Variants in PTGS2 observed in about 807,000 individuals in gnomAD.
PTGS2 encodes the protein prostaglandin-endoperoxide synthase 2.
Under a neutral mutation model 63.8 loss-of-function variants are expected in PTGS2, and 14 were observed. The ratio of observed to expected loss-of-function variants is 0.22; its 90% CI spans 0.14 to 0.34. The LOEUF (loss-of-function observed/expected upper bound fraction) is 0.34, where lower values mean the gene tolerates loss of function less well. Ranked by LOEUF, PTGS2 falls within the 10% of genes least tolerant of loss-of-function variation. PTGS2 has a pLI of 1.00. For missense variants in PTGS2, 533 were observed against 738.5 expected, an observed-to-expected ratio of 0.72 and a Z score of 3.23; for synonymous variants, 271 against 259.5, an observed-to-expected ratio of 1.04 and a Z score of -0.43.
Position 186,680,027 on chromosome 1 carries a change from A to G in PTGS2, c.52+212T>C, listed in dbSNP as rs145315045. Among the ~76,000 whole-genome samples, 228 of 152,362 alleles carry G rather than the reference A, an allele frequency of 1.5e-3. 1 individual carries two copies. The highest frequency in any genetic ancestry group is 5.1e-3 in the African/African-American group (212 of 41,598). On this transcript the variant is annotated intron_variant, in intron 1 of 9. Coordinates refer to ENST00000367468, the MANE Select transcript of PTGS2 (RefSeq NM_000963.4). Reference sequence around the variant, plus strand: ...AGGTGAGAGTGTCTCAGATCGGTTAAGTAACTGGCTCATAATGATCAGTGC... The same window carrying G: ...AGGTGAGAGTGTCTCAGATCGGTTAGGTAACTGGCTCATAATGATCAGTGC...
intron 3 of PTGS2, 109 bp downstream of exon 3, chr1:186,678,949 A>G (rs1665827715): frequency 7.4e-7 from 1 of 1,342,724 alleles, no homozygotes; most frequent in African/African-American, 1.5e-5. Context: ...AGCTATCTTA[A>G]AGTCTTTTTG....
rs1665747672 is a variant in PTGS2 at position 186,674,648 on chromosome 1, G to A, written c.1520C>T (p.Thr507Ile). The A allele has an allele frequency of 6.2e-7, 1 of 1,614,072 alleles. No homozygotes were observed. Among genetic ancestry groups the A allele is most frequent in the South Asian group, 1.1e-5 (1 of 91,090 alleles). Residue 507 changes from threonine to isoleucine, a missense_variant, in exon 10 of 10, where the codon ACC becomes ATC. This residue lies in a region of PTGS2 where 219 missense variants were observed against 267.4 expected (regional missense o/e 0.82). Coordinates refer to ENST00000367468, the MANE Select transcript of PTGS2 (RefSeq NM_000963.4). ...GAATGGTGCTCCAACTTCTACCATG[G>A]TTTCACCAAAGATGGCATCTGGCCG... ...KPRPDAIFGE[T>I]MVEVGAPFSL... is the part of the protein sequence containing the mutation.
In PTGS2 at chr1:186,677,774, T is replaced by C. The variant is rs199513587; in HGVS notation, c.514A>G (p.Lys172Glu). 5 of 1,613,586 alleles carry C rather than the reference T, an allele frequency of 3.1e-6. No homozygotes were observed. Among genetic ancestry groups the C allele is most frequent in the South Asian group, 1.1e-5 (1 of 90,996 alleles). Residue 172 changes from lysine to glutamate, a missense_variant, in exon 5 of 10, where the codon AAG becomes GAG. Around this residue, in one of 5 missense-constraint regions of PTGS2, gnomAD observed 118 missense variants for 138.7 expected, o/e 0.85. Transcript: ENST00000367468. ...GAGCCCTGGGGATCAGGGATGAACT[T>C]TCTTCTTAGAAGCAATTTTTCCACA... ...EIVEKLLLRRKFIPDPQGSNM... is the reference protein window; with the variant it reads ...EIVEKLLLRREFIPDPQGSNM...
At chr1:186,679,484 C>G in intron 1 of PTGS2, 46 bp from the exon 2 acceptor site, 3 of 1,360,950 alleles carry the variant, frequency 2.2e-6, no homozygotes, top group Non-Finnish European at 3.1e-6. Flanking sequence ...GTGTCTTAAT[C>G]TTAATTTAAA....
chr1:186,679,397 A>G lies in PTGS2; in HGVS notation c.94T>C (p.Cys32Arg). Reference sequence around the variant, plus strand: ...TACTGGTCAAATCCCACACTCATACATACACCTCGGTTTTGACATGGGTGG... The same window carrying G: ...TACTGGTCAAATCCCACACTCATACGTACACCTCGGTTTTGACATGGGTGG... Reference protein sequence around the residue: ...CSHPCQNRGVCMSVGFDQYKC... With the variant: ...CSHPCQNRGVRMSVGFDQYKC... Residue 32 changes from cysteine (C) to arginine (R), a missense_variant, in exon 2 of 10, where the codon TGT (cysteine) becomes CGT (arginine). By Grantham distance (180) the Cys-to-Arg change is radical (BLOSUM62 -3). Around this residue, in one of 5 missense-constraint regions of PTGS2, gnomAD observed 118 missense variants for 144.6 expected, o/e 0.82. Transcript: ENST00000367468. The G allele has an allele frequency of 1.2e-6, 2 of 1,614,174 alleles. No individual in the cohort carries two copies. Among genetic ancestry groups the G allele is most frequent in the South Asian group, 1.1e-5 (1 of 91,084 alleles).
At chr1:186,675,531 T>C in intron 8 of PTGS2, 135 bp from the exon 9 acceptor site, 2 of 1,012,698 alleles carry the variant, frequency 2.0e-6, no homozygotes, top group Non-Finnish European at 2.8e-6. Flanking sequence ...GAAAGATGCT[T>C]ACCTACATTT....
In PTGS2 at chr1:186,680,415, A is replaced by G. The variant is rs5271; in HGVS notation, c.-125T>C. On this transcript the variant is annotated 5_prime_UTR_variant, in exon 1 of 10. Transcript: ENST00000367468. ...GCTCCTGACGCTCACTGCAAGTCGT[A>G]TGACAATTGGTCGCTAACCGAGAGA... The G allele has an allele frequency of 7.8e-6, 5 of 639,078 alleles. No homozygotes were observed. The highest frequency in any genetic ancestry group is 2.0e-5 in the South Asian group (1 of 50,004). The allele number at this position is 639,078 out of a possible 1,614,324, so 39.6% of individuals were successfully genotyped here.
In PTGS2 at chr1:186,680,353, G is replaced by A. The variant is rs11567819; in HGVS notation, c.-63C>T. 6.8e-4 allele frequency: 878 copies of A among 1,296,006 alleles called. 9 individuals carry two copies. In the African/African-American group the frequency reaches 0.011, roughly 17 times the overall value. The allele number at this position is 1,296,006 out of a possible 1,614,324, so 80.3% of individuals were successfully genotyped here. On this transcript the variant is annotated 5_prime_UTR_variant, in exon 1 of 10. Coordinates refer to ENST00000367468, the MANE Select transcript of PTGS2 (RefSeq NM_000963.4). Reference sequence around the variant, plus strand: ...TGCTGTCTGAGGGCGTCTGGCTGTGGAGCTGAAGGAGGCGCTGCTGAGGAG... The same window carrying A: ...TGCTGTCTGAGGGCGTCTGGCTGTGAAGCTGAAGGAGGCGCTGCTGAGGAG...
At chr1:186,677,479 A>G (rs1408680919) in intron 5 of PTGS2, among the ~76,000 whole-genome samples, 170 bp downstream of exon 5, 1 of 152,164 alleles carries the variant, frequency 6.6e-6, no homozygotes, top group East Asian at 1.9e-4. Context: ...ATTTTACTAG[A>G]CCAGTGAAGT....
rs3218623 is a variant in PTGS2, at chr1:186,676,150, C to T, written c.1005G>A (p.Val335=). 2.8e-4 allele frequency: 456 copies of T among 1,613,266 alleles called. 4 individuals carry two copies. The East Asian group carries it at 9.9e-3, about 35-fold the overall frequency. ...ETIKIVIEDY[V]QHLSGYHFKL... ...TGAAGTGATAGCCACTCAAGTGTTG[C>T]ACATAATCTTCAATCACAATCTTAA... Residue 335 remains valine (V), a synonymous_variant, in exon 8 of 10, where the codon GTG becomes GTA. Coordinates refer to ENST00000367468, the MANE Select transcript of PTGS2 (RefSeq NM_000963.4).
rs1571811749 is a variant in PTGS2, at chr1:186,678,356, C to T, written c.362G>A (p.Gly121Asp). ...AGAGAAGGCTTCCCAGCTTTTGTAG[C>T]CATAGTCAGCATTGTAAGTTGGTGG... is the stretch of plus-strand genomic sequence containing the variant. ...DSPPTYNADY[G>D]YKSWEAFSNL... Residue 121 changes from glycine (G) to aspartate (D), a missense_variant, in exon 4 of 10, where the codon GGC (glycine) becomes GAC (aspartate). Physicochemically the swap from Gly to Asp is moderately conservative, Grantham distance 94. This residue lies in a region of PTGS2 where 11 missense variants were observed against 35.2 expected (regional missense o/e 0.31). Coordinates refer to ENST00000367468, the MANE Select transcript of PTGS2 (RefSeq NM_000963.4). The T allele has an allele frequency of 6.2e-7, 1 of 1,613,268 alleles. No individual in the cohort carries two copies. Among genetic ancestry groups the T allele is most frequent in the Non-Finnish European group, 8.5e-7 (1 of 1,179,554 alleles).
In PTGS2 at chr1:186,673,982, T is replaced by G; in HGVS notation, c.*371A>C. 6.5e-6 allele frequency: 1 copy of G among 153,370 alleles called. No individual in the cohort carries two copies. The allele number at this position is 153,370 out of a possible 1,614,324, so 9.5% of individuals were successfully genotyped here. ...GTTACTTCTAATGCATCATGGAAGA[T>G]GCATTGGAAACATCGACAGTGTAAA... On this transcript the variant is annotated 3_prime_UTR_variant, in exon 10 of 10. Coordinates refer to ENST00000367468, the MANE Select transcript of PTGS2 (RefSeq NM_000963.4).
chr1:186,677,583 T>C (rs1275919966), intron 5 of PTGS2, 66 bp downstream of exon 5: 3 of 1,426,768 alleles, frequency 2.1e-6, no homozygotes, highest in South Asian at 2.9e-5. Flanking sequence ...ATATCTCCTT[T>C]AATGTTAGCC....
Position 186,677,660 on chromosome 1 carries a change from G to C in PTGS2, c.628C>G (p.Leu210Val), listed in dbSNP as rs1665804769. The change falls in exon 5 of 10, where the codon CTG becomes GTG. Residue 210 changes from leucine (L) to valine (V), a missense_variant. Leu to Val is a conservative substitution (Grantham distance 32, BLOSUM62 1). Transcript: ENST00000367468. ...TAACTCTATCTTACCCCATGGCCCA[G>C]CCCGTTGGTGAAAGCTGGCCCTCGC... ...HKRGPAFTNG[L>V]GHGVDLNHIY... 1 of 1,610,788 alleles carries C rather than the reference G, an allele frequency of 6.2e-7. No homozygotes were observed. Among genetic ancestry groups the C allele is most frequent in the South Asian group, 1.1e-5 (1 of 90,542 alleles).
chr1:186,676,994 A>G lies in PTGS2; in HGVS notation c.640-78T>C, dbSNP rs1420117716. The G allele has an allele frequency of 2.1e-5, 21 of 1,018,022 alleles. No homozygotes were observed. The Admixed American group carries it at 4.5e-4, about 22-fold the overall frequency. 63.1% of individuals were successfully genotyped at this position (1,018,022 alleles called of 1,614,324 possible). ...TAAAGTGTCTATCATATAATTCATC[A>G]TTAAATAATTTGATCATTTAGCTTT... On this transcript the variant is annotated intron_variant, in intron 5 of 9. Coordinates refer to ENST00000367468, the MANE Select transcript of PTGS2 (RefSeq NM_000963.4).
At position 186,672,005 on chromosome 1, in the gene PTGS2, G is replaced by C. The variant is rs1360229625; in HGVS notation, c.*2348C>G. The C allele has an allele frequency of 6.6e-6, 1 of 151,538 alleles. No individual in the cohort carries two copies. Among genetic ancestry groups the C allele is most frequent in the Non-Finnish European group, 1.5e-5 (1 of 67,878 alleles). The allele number at this position is 151,538 out of a possible 1,614,324, so 9.4% of individuals were successfully genotyped here. A position where few individuals can be genotyped will look rare whatever the true frequency, so the allele number is the denominator to read the frequency against. On this transcript the variant is annotated 3_prime_UTR_variant, in exon 10 of 10. Transcript: ENST00000367468. ...TCAAGTTTTTTTTTTAAAAAAAACA[G>C]TGAACAGTGTTTTATACAAGCATAT...
Position 186,673,545 on chromosome 1 carries a change from C to T in PTGS2, c.*808G>A, listed in dbSNP as rs1310945993. 1 of 152,112 alleles carries T rather than the reference C, an allele frequency of 6.6e-6. No individual in the cohort carries two copies. Among genetic ancestry groups the T allele is most frequent in the Admixed American group, 6.5e-5 (1 of 15,276 alleles). The allele number at this position is 152,112 out of a possible 1,614,324, so 9.4% of individuals were successfully genotyped here. ...ACAAAATATTCTTATTTTAAGATAACACTGCAGTGGCTCCACCACCTTAAT... is the reference window on the plus strand; with the variant it reads ...ACAAAATATTCTTATTTTAAGATAATACTGCAGTGGCTCCACCACCTTAAT... On this transcript the variant is annotated 3_prime_UTR_variant, in exon 10 of 10. Transcript: ENST00000367468.
At chr1:186,678,463 A>T in intron 3 of PTGS2, 59 bp from the exon 4 acceptor site, 1 of 1,442,212 alleles carries the variant, frequency 6.9e-7, no homozygotes, top group Non-Finnish European at 9.3e-7. Flanking sequence ...TAAATCAACC[A>T]TTATTTTTAT....
At chr1:186,677,454 CTG>C (rs4648272) in intron 5 of PTGS2, among the ~76,000 whole-genome samples, 193 bp downstream of exon 5, 16,937 of 152,000 alleles carry the variant, frequency 0.11, 1,010 homozygotes, top group Middle Eastern at 0.19. Context: ...GTGTGCATGT[CTG>C]TGTGTGTGTA....
Sources: gnomAD v4.1 joint callset for allele counts (sites outside exome capture counted in the v4.1 genomes callset) on GRCh38, gnomAD v4.1.1 for gene constraint, gnomAD v4.1.1 regional missense constraint, MANE v1.5 for transcripts, NCBI Gene and HGNC (gene_info 2026-07-23, HGNC 2026-07-21) for gene names.